MTMR3: variants seen among roughly 807,000 people sequenced by gnomAD.
MTMR3 encodes the protein myotubularin related protein 3.
Under a neutral mutation model 132.4 loss-of-function variants are expected in MTMR3, and 32 were observed. That is an observed-to-expected ratio of 0.24 (90% confidence interval 0.18 to 0.32). The LOEUF (loss-of-function observed/expected upper bound fraction) is 0.32, where lower values mean the gene tolerates loss of function less well. Ranked by LOEUF, MTMR3 falls within the 10% of genes least tolerant of loss-of-function variation. The pLI, the probability that MTMR3 is intolerant of heterozygous loss-of-function variation, is 1.00. For missense variants in MTMR3, 1,216 were observed against 1,489.6 expected (o/e 0.82, Z 3.02); for synonymous variants, 556 against 550.3 (o/e 1.01, Z -0.14).
intron 1 of MTMR3, among the ~76,000 whole-genome samples, chr22:29,949,208 C>T (rs761690985): frequency 6.9e-6 from 1 of 144,788 alleles, no homozygotes; most frequent in African/African-American, 2.5e-5. Context: ...TGCACGCGCG[C>T]CAGGCGTGGT....
At chr22:30,016,199 C>T (rs2067586356) in intron 14 of MTMR3, 2 of 231,174 alleles carry the variant, frequency 8.7e-6, no homozygotes, top group South Asian at 1.8e-4. Flanking sequence ...ACTGTCAGCT[C>T]AGACTTGAGT....
At chr22:29,889,605 T>C (rs1410913355) in intron 1 of MTMR3, among the ~76,000 whole-genome samples, 1 of 151,584 alleles carries the variant, frequency 6.6e-6, no homozygotes, top group Non-Finnish European at 1.5e-5. Flanking sequence ...TTTTAGTGTT[T>C]TTTAAAAAAA....
intron 3 of MTMR3, among the ~76,000 whole-genome samples, chr22:29,973,678 C>CAACCT (rs1466743502): frequency 6.6e-6 from 1 of 152,166 alleles, no homozygotes; most frequent in Non-Finnish European, 1.5e-5. Flanking sequence ...TGGCTCACTG[C>CAACCT]AACCTCCGCC....
At position 30,007,117 on chromosome 22, in the gene MTMR3, C is replaced by T. The variant is rs976429195; in HGVS notation, c.675C>T (p.His225=). The T allele has an allele frequency of 6.2e-6, 10 of 1,613,574 alleles. No homozygotes were observed. In the African/African-American group the frequency reaches 1.2e-4, roughly 19 times the overall value. Residue 225 remains histidine (H), a synonymous_variant, in exon 10 of 20, where the codon CAC becomes CAT. Transcript: ENST00000401950. ...TTGTCTCTTGTTCCTCACACAGGCA[C>T]CAGAGCAATGGAGCTGTCATTGCCC... The part of the protein sequence containing the change: ...WKRIPAVIYR[H]QSNGAVIARC...
At chr22:30,007,815 C>T in intron 10 of MTMR3, 86 bp from the exon 11 acceptor site, 1 of 1,482,972 alleles carries the variant, frequency 6.7e-7, no homozygotes, top group Non-Finnish European at 9.1e-7. Context: ...CTTTTTTGTG[C>T]CATAAGATGT....
At chr22:29,985,014 G>C (rs2066828318) in intron 5 of MTMR3, 2 of 152,170 alleles carry the variant, frequency 1.3e-5, no homozygotes, top group African/African-American at 4.8e-5. Context: ...AAAGTGGACT[G>C]GCTCTTGAAT....
rs181651069 is a variant in MTMR3 at position 29,894,606 on chromosome 22, C to T, written c.-138+11247C>T. ...TGGGATATGGTTTATATTAATACAT[C>T]TAATATGAATTGGAAGATGCTTAGG... is the stretch of plus-strand genomic sequence containing the variant. On this transcript the variant is annotated intron_variant, in intron 1 of 19. Coordinates refer to ENST00000401950, the MANE Select transcript of MTMR3 (RefSeq NM_021090.4). 3.0e-3 allele frequency among the ~76,000 whole-genome samples: 456 copies of T among 151,628 alleles called. 3 individuals are homozygous for T. Among genetic ancestry groups the T allele is most frequent in the African/African-American group, 0.01 (420 of 41,300 alleles).
intron 1 of MTMR3, among the ~76,000 whole-genome samples, chr22:29,909,838 G>T (rs975537747): frequency 2.0e-5 from 3 of 152,110 alleles, no homozygotes; most frequent in Non-Finnish European, 2.9e-5. Flanking sequence ...GCCTCAGATC[G>T]AGCTTGAAAG....
chr22:29,959,865 C>T (rs533602978), intron 2 of MTMR3, among the ~76,000 whole-genome samples: 10 of 150,606 alleles, frequency 6.6e-5, no homozygotes, highest in Non-Finnish European at 1.0e-4. Context: ...CTCAAGTGAT[C>T]CTCCCACCTC....
At chr22:29,928,677 T>A (rs974698761) in intron 1 of MTMR3, among the ~76,000 whole-genome samples, 71 of 152,146 alleles carry the variant, frequency 4.7e-4, no homozygotes, top group African/African-American at 1.6e-3. Flanking sequence ...AAAAAAATTT[T>A]TTTTTAAGTT....
intron 1 of MTMR3, among the ~76,000 whole-genome samples, chr22:29,939,752 G>C (rs903754049): frequency 3.9e-5 from 6 of 152,122 alleles, no homozygotes; most frequent in African/African-American, 9.7e-5. Flanking sequence ...TCAGATAGCA[G>C]CTATAACTGT....
chr22:29,946,505 A>C (rs915609088), intron 1 of MTMR3, among the ~76,000 whole-genome samples: 1 of 152,214 alleles, frequency 6.6e-6, no homozygotes, highest in Admixed American at 6.5e-5. Flanking sequence ...AGGCCTGTTC[A>C]TGAATGGTTT....
rs114000222 is a variant in MTMR3 at position 29,979,026 on chromosome 22, A to C, written c.184A>C (p.Ile62Leu). 1 of 1,612,524 alleles carries C rather than the reference A, an allele frequency of 6.2e-7. No homozygotes were observed. Among genetic ancestry groups the C allele is most frequent in the African/African-American group, 1.3e-5 (1 of 74,972 alleles). Reference protein sequence around the residue: ...IIALSNYRLHIKFKESLVNVP... With the variant: ...IIALSNYRLHLKFKESLVNVP... The stretch of plus-strand genomic sequence containing the variant: ...TGCCCTTTCCAATTACAGACTTCAC[A>C]TCAAGTTCAAGGAGTCTCTTGTTAA... The change falls in exon 5 of 20, where the codon ATC becomes CTC. Residue 62 changes from isoleucine (I) to leucine (L), a missense_variant. By Grantham distance (5) the Ile-to-Leu change is conservative. This residue lies in a region of MTMR3 where 81 missense variants were observed against 87.7 expected (regional missense o/e 0.92). Transcript: ENST00000401950.
rs2065511387 is a variant in MTMR3 at position 29,926,082 on chromosome 22, G to A, written c.-137-30954G>A. ...CCTCTTTAGACCTTCGCAACTGCTA[G>A]TTGATTTTCTCTTTCAATGCATTTA... On this transcript the variant is annotated intron_variant, in intron 1 of 19. Transcript: ENST00000401950. Among the ~76,000 whole-genome samples, 4 of 152,228 alleles carry A rather than the reference G, an allele frequency of 2.6e-5. No homozygotes were observed. In the South Asian group the frequency reaches 8.3e-4, roughly 32 times the overall value.
chr22:29,979,145 T>C (rs948390652), intron 5 of MTMR3, 93 bp downstream of exon 5: 27 of 856,822 alleles, frequency 3.2e-5, no homozygotes, highest in South Asian at 2.9e-4. Context: ...GCATACAGAA[T>C]TGGGAGAGAA....
rs1409204063 is a variant in MTMR3 at position 29,906,274 on chromosome 22, GTCTGTCTGTCTGTCTATCTATCTA to G, written c.-138+22919_-138+22942del. Among the ~76,000 whole-genome samples, 321 of 123,040 alleles carry G rather than the reference GTCTGTCTGTCTGTCTATCTATCTA, an allele frequency of 2.6e-3. 4 individuals carry two copies. The highest frequency in any genetic ancestry group is 7.7e-3 in the Middle Eastern group (2 of 260). 80.7% of individuals were successfully genotyped at this position (123,040 alleles called of 152,430 possible). A position where few individuals can be genotyped will look rare whatever the true frequency, so the allele number is the denominator to read the frequency against. ...TGTCTGTCTGTCTGTCTGTCTGTCT[GTCTGTCTGTCTGTCTATCTATCTA>G]TCTATCTATCTATCTATCTATCTAT... On this transcript the variant is annotated intron_variant, in intron 1 of 19. Coordinates refer to ENST00000401950, the MANE Select transcript of MTMR3 (RefSeq NM_021090.4).
intron 19 of MTMR3, chr22:30,024,513 G>C (rs2067855292): frequency 6.6e-6 from 1 of 152,138 alleles, no homozygotes; most frequent in Non-Finnish European, 1.5e-5. Context: ...ATTGCCCCAT[G>C]TCCCACCTTT....
At chr22:30,022,411 T>C (rs1369102786) in intron 18 of MTMR3, 198 bp from the exon 19 acceptor site, 3 of 619,022 alleles carry the variant, frequency 4.8e-6, no homozygotes, top group Non-Finnish European at 8.7e-6. Flanking sequence ...GCCTGCTACT[T>C]TATCTCAGGG....
intron 1 of MTMR3, among the ~76,000 whole-genome samples, chr22:29,901,676 A>G (rs1447993968): frequency 6.6e-6 from 1 of 152,094 alleles, no homozygotes; most frequent in Non-Finnish European, 1.5e-5. Flanking sequence ...CAGAATTTCC[A>G]TGTAAACAAA....
Sources: allele counts gnomAD v4.1 joint callset (sites outside exome capture counted in the v4.1 genomes callset), GRCh38; gene constraint gnomAD v4.1.1; regional missense constraint gnomAD v4.1.1; transcripts MANE v1.5; gene names NCBI Gene and HGNC (gene_info 2026-07-23, HGNC 2026-07-21).